SEMA6D: variants seen among roughly 807,000 people sequenced by gnomAD.
SEMA6D encodes semaphorin-6D.
In SEMA6D, 35 loss-of-function variants were observed where a neutral mutation model predicts 106.6. The ratio of observed to expected loss-of-function variants is 0.33; its 90% CI spans 0.25 to 0.44. The LOEUF (loss-of-function observed/expected upper bound fraction) is 0.44. Among genes scored for constraint, SEMA6D ranks in the 20% least tolerant of loss-of-function variants. The pLI is 1.00. For synonymous variants in SEMA6D, 499 were observed against 487.7 expected (o/e 1.02, Z -0.31); for missense variants, 1,185 against 1,345.9 (o/e 0.88, Z 1.87).
At chr15:47,383,557 CAGT>C (rs904250482) in intron 1 of SEMA6D, among the ~76,000 whole-genome samples, 1 of 152,216 alleles carries the variant, frequency 6.6e-6, no homozygotes, top group South Asian at 2.1e-4. Flanking sequence ...TGGTACAACA[CAGT>C]AGTAGTAGTA....
At chr15:47,722,864 T>G (rs2079505968) in intron 1 of SEMA6D, among the ~76,000 whole-genome samples, 1 of 152,230 alleles carries the variant, frequency 6.6e-6, no homozygotes, top group Non-Finnish European at 1.5e-5. Context: ...GGTTATATCA[T>G]ATAACCCTCA....
At chr15:47,688,582 T>C (rs1390520650) in intron 4 of SEMA6D, among the ~76,000 whole-genome samples, 1 of 152,166 alleles carries the variant, frequency 6.6e-6, no homozygotes, top group Non-Finnish European at 1.5e-5. Context: ...ATGAGTAGGT[T>C]AACAAACCTT....
chr15:47,521,978 C>T (rs1358498905), intron 3 of SEMA6D, among the ~76,000 whole-genome samples: 5 of 149,962 alleles, frequency 3.3e-5, no homozygotes, highest in African/African-American at 9.9e-5. Flanking sequence ...GAGCGAGACT[C>T]CGTCTCAAAA....
intron 3 of SEMA6D, among the ~76,000 whole-genome samples, chr15:47,573,265 A>G (rs1477504954): frequency 6.6e-6 from 1 of 152,152 alleles, no homozygotes; most frequent in Non-Finnish European, 1.5e-5. Context: ...AATACTCAAG[A>G]TTTGTTTTAA....
Position 47,352,793 on chromosome 15 carries a change from A to G in SEMA6D, c.-238-59600A>G, listed in dbSNP as rs534933926. On this transcript the variant is annotated intron_variant, in intron 1 of 19. Coordinates refer to the SEMA6D transcript ENST00000558014. The stretch of plus-strand genomic sequence containing the variant: ...CTGCAAGACTTTTTGAACATTAAGT[A>G]TACTCCCAGTATTGGATATATTATG... 7.5e-4 allele frequency among the ~76,000 whole-genome samples: 114 copies of G among 152,322 alleles called. 1 individual carries two copies. The highest frequency in any genetic ancestry group is 2.6e-3 in the African/African-American group (108 of 41,574).
chr15:47,678,191 G>T (rs544768317), intron 4 of SEMA6D, among the ~76,000 whole-genome samples: 2 of 148,232 alleles, frequency 1.3e-5, no homozygotes, highest in South Asian at 4.1e-4. Flanking sequence ...CCAATGCAGT[G>T]ACTCTGGGCA....
At position 47,573,052 on chromosome 15, in the gene SEMA6D, G is replaced by A. The variant is rs564528449; in HGVS notation, c.-86-27813G>A. Among the ~76,000 whole-genome samples, 29 of 152,018 alleles carry A rather than the reference G, an allele frequency of 1.9e-4. No individual in the cohort carries two copies. The South Asian group carries it at 4.4e-3, about 23-fold the overall frequency. ...ATAACAATAAATGTTCTCTGTGCCC[G>A]GCAGTTTGGTAAGCATTGTGTGTGT... On this transcript the variant is annotated intron_variant, in intron 3 of 19. Transcript: ENST00000558014.
At chr15:47,290,331 C>T (rs1043906434) in intron 1 of SEMA6D, among the ~76,000 whole-genome samples, 1 of 151,976 alleles carries the variant, frequency 6.6e-6, no homozygotes, top group Non-Finnish European at 1.5e-5. Context: ...ATTTAGCATC[C>T]AGTCTCACAT....
intron 17 of SEMA6D, 121 bp downstream of exon 17, chr15:47,767,214 A>G: frequency 1.6e-6 from 1 of 613,036 alleles, no homozygotes; most frequent in Non-Finnish European, 2.8e-6. Context: ...GCTTTGACTC[A>G]TATTCCCACT....
At chr15:47,514,111 A>G (rs1175554127) in intron 3 of SEMA6D, among the ~76,000 whole-genome samples, 2 of 152,216 alleles carry the variant, frequency 1.3e-5, no homozygotes, top group Non-Finnish European at 1.5e-5. Context: ...GAGATGTGGT[A>G]TGGGAGACTT....
At chr15:47,188,362 C>G (rs1276945964) in intron 1 of SEMA6D, among the ~76,000 whole-genome samples, 1 of 152,086 alleles carries the variant, frequency 6.6e-6, no homozygotes, top group Non-Finnish European at 1.5e-5. Flanking sequence ...AACCAATATT[C>G]ATTTATATTT....
At chr15:47,355,943 T>A (rs1009803683) in intron 1 of SEMA6D, among the ~76,000 whole-genome samples, 1 of 152,200 alleles carries the variant, frequency 6.6e-6, no homozygotes, top group African/African-American at 2.4e-5. Context: ...AAACATGACA[T>A]TCTATACTGC....
intron 1 of SEMA6D, among the ~76,000 whole-genome samples, chr15:47,303,819 A>T (rs1037505423): frequency 2.6e-5 from 4 of 152,184 alleles, no homozygotes; most frequent in Non-Finnish European, 5.9e-5. Context: ...AGGAAAGGCC[A>T]GTCAGTTCTA....
intron 2 of SEMA6D, among the ~76,000 whole-genome samples, chr15:47,429,588 C>A (rs2041457629): frequency 6.6e-6 from 1 of 152,034 alleles, no homozygotes; most frequent in Non-Finnish European, 1.5e-5. Context: ...TATGCATTGA[C>A]CATAAGCACT....
At position 47,405,986 on chromosome 15, in the gene SEMA6D, C is replaced by G. The variant is rs199844649; in HGVS notation, c.-238-6407C>G. Among the ~76,000 whole-genome samples the G allele has an allele frequency of 4.6e-5, 7 of 152,196 alleles. No homozygotes were observed. In the East Asian group the frequency reaches 5.8e-4, roughly 13 times the overall value. On this transcript the variant is annotated intron_variant, in intron 1 of 19. Transcript: ENST00000558014. The stretch of plus-strand genomic sequence containing the variant: ...GAAGTACTTGCCACACTTTCACTCA[C>G]GAGGGCCATATGCAAGGAGACCTGA...
At chr15:47,290,882 A>G (rs2035568113) in intron 1 of SEMA6D, among the ~76,000 whole-genome samples, 1 of 152,250 alleles carries the variant, frequency 6.6e-6, no homozygotes, top group South Asian at 2.1e-4. Flanking sequence ...GTTATTTAAG[A>G]AATTTGTAGC....
At chr15:47,314,763 T>C (rs2036584812) in intron 1 of SEMA6D, among the ~76,000 whole-genome samples, 1 of 151,482 alleles carries the variant, frequency 6.6e-6, no homozygotes, top group Non-Finnish European at 1.5e-5. Context: ...TTTAATGAAG[T>C]GCCAATTATC....
chr15:47,751,759 T>C (rs1174162563), intron 1 of SEMA6D, among the ~76,000 whole-genome samples: 1 of 152,152 alleles, frequency 6.6e-6, no homozygotes, highest in African/African-American at 2.4e-5. Context: ...TCAGGACACA[T>C]GGTTCATTCT....
chr15:47,346,521 A>G (rs1210085826), intron 1 of SEMA6D, among the ~76,000 whole-genome samples: 1 of 152,190 alleles, frequency 6.6e-6, no homozygotes, highest in African/African-American at 2.4e-5. Context: ...TGGAAGTTCA[A>G]TTACCAGATG....
Sources: gnomAD v4.1 joint callset for allele counts (sites outside exome capture counted in the v4.1 genomes callset) on GRCh38, gnomAD v4.1.1 for gene constraint, MANE v1.5 for transcripts, NCBI Gene and HGNC (gene_info 2026-07-23, HGNC 2026-07-21) for gene names.